NWD2: variants seen among roughly 807,000 people sequenced by gnomAD.
NWD2 encodes NACHT and WD repeat domain containing 2.
NWD2 carries 37 observed loss-of-function variants against 132.7 expected under a neutral mutation model. That is an observed-to-expected ratio of 0.28 (90% CI 0.21 to 0.37). NWD2 has a LOEUF of 0.37. NWD2 is among the 10% of genes least tolerant of loss of function. The pLI is 1.00. For synonymous variants in NWD2, 705 were observed against 803.0 expected (o/e 0.88, Z 2.06); for missense variants, 1,592 against 2,122.4 (o/e 0.75, Z 4.91).
rs536827535 is a variant in NWD2 at position 37,275,525 on chromosome 4, C to T, written c.151+30307C>T. ...CCCAAGGTAATTTATAGATTCAATG[C>T]CATCCCCATCAATCTACCAATGACT... is the stretch of plus-strand genomic sequence containing the variant. On this transcript the variant is annotated intron_variant, in intron 1 of 6. Coordinates refer to ENST00000309447, the MANE Select transcript of NWD2 (RefSeq NM_001144990.2). Among the ~76,000 whole-genome samples, 1,178 of 152,142 alleles carry T rather than the reference C, an allele frequency of 7.7e-3. 12 individuals carry two copies. The highest frequency in any genetic ancestry group is 7.2e-3 in the Non-Finnish European group (490 of 68,006).
chr4:37,426,923 C>T lies in NWD2; in HGVS notation c.358-3649C>T, dbSNP rs983507390. Among the ~76,000 whole-genome samples, 6 of 152,266 alleles carry T rather than the reference C, an allele frequency of 3.9e-5. No individual in the cohort carries two copies. The Middle Eastern group carries it at 0.014, about 345-fold the overall frequency. The stretch of plus-strand genomic sequence containing the variant: ...GAAAGAAGTTGAAGAACGAACAGTA[C>T]ATTGCTGTGCAGTCATGATGGTGCT... On this transcript the variant is annotated intron_variant, in intron 3 of 6. Coordinates refer to ENST00000309447, the MANE Select transcript of NWD2 (RefSeq NM_001144990.2).
At chr4:37,413,575 G>A (rs1243014734) in intron 3 of NWD2, among the ~76,000 whole-genome samples, 1 of 152,130 alleles carries the variant, frequency 6.6e-6, no homozygotes, top group Admixed American at 6.5e-5. Context: ...ATTCCTCAAG[G>A]ATCTAGAACT....
chr4:37,260,161 G>A (rs1717599988), intron 1 of NWD2, among the ~76,000 whole-genome samples: 1 of 152,186 alleles, frequency 6.6e-6, no homozygotes, highest in South Asian at 2.1e-4. Context: ...TTCCAATAGT[G>A]TCATGTGTGC....
At position 37,261,538 on chromosome 4, in the gene NWD2, A is replaced by G. The variant is rs141317185; in HGVS notation, c.151+16320A>G. ...TTTCCATGAAACTCGCAAGAATCAT[A>G]CAAGTATTTACTGAGGGACTTCTAC... On this transcript the variant is annotated intron_variant, in intron 1 of 6. Transcript: ENST00000309447. Among the ~76,000 whole-genome samples the G allele has an allele frequency of 1.2e-4, 19 of 152,342 alleles. No individual in the cohort carries two copies. In the East Asian group the frequency reaches 2.3e-3, roughly 19 times the overall value.
At chr4:37,281,877 A>G (rs559442051) in intron 1 of NWD2, among the ~76,000 whole-genome samples, 1 of 152,338 alleles carries the variant, frequency 6.6e-6, no homozygotes, top group Admixed American at 6.5e-5. Context: ...TTTAATCTGT[A>G]TTCAATACAC....
chr4:37,350,650 C>T (rs917485072), intron 2 of NWD2, among the ~76,000 whole-genome samples: 5 of 152,156 alleles, frequency 3.3e-5, no homozygotes, highest in African/African-American at 1.2e-4. Flanking sequence ...TGGACCTCCT[C>T]TCTTCTTATC....
intron 1 of NWD2, among the ~76,000 whole-genome samples, chr4:37,312,269 T>A (rs921684142): frequency 6.6e-6 from 1 of 151,264 alleles, no homozygotes; most frequent in Non-Finnish European, 1.5e-5. Flanking sequence ...GAGCATGGAA[T>A]GTTCTTCCAT....
At chr4:37,256,751 G>T (rs985251864) in intron 1 of NWD2, among the ~76,000 whole-genome samples, 3 of 152,122 alleles carry the variant, frequency 2.0e-5, no homozygotes, top group Non-Finnish European at 4.4e-5. Context: ...GTAGGGAAAA[G>T]AAAGATCCAA....
intron 1 of NWD2, among the ~76,000 whole-genome samples, chr4:37,258,924 G>A (rs562739437): frequency 1.3e-5 from 2 of 152,322 alleles, no homozygotes; most frequent in South Asian, 4.1e-4. Flanking sequence ...ATCACAAGTA[G>A]GATCAAGGCA....
At chr4:37,388,865 A>G (rs1023364012) in intron 3 of NWD2, among the ~76,000 whole-genome samples, 2 of 151,268 alleles carry the variant, frequency 1.3e-5, no homozygotes, top group East Asian at 1.9e-4. Context: ...GTACATGTTA[A>G]GCAATAACTC....
rs541082638 is a variant in NWD2, at chr4:37,382,588, G to A, written c.357+26106G>A. Reference sequence around the variant, plus strand: ...CTCCCCTTTTCCCCTGTGAGCCCGGGTTTCTAGCCTCCCAATGCTGCAGTG... The same window carrying A: ...CTCCCCTTTTCCCCTGTGAGCCCGGATTTCTAGCCTCCCAATGCTGCAGTG... On this transcript the variant is annotated intron_variant, in intron 3 of 6. Transcript: ENST00000309447. Among the ~76,000 whole-genome samples the A allele has an allele frequency of 2.2e-4, 33 of 152,220 alleles. No individual in the cohort carries two copies. The South Asian group carries it at 5.6e-3, about 26-fold the overall frequency.
chr4:37,343,116 C>T (rs980739724), intron 2 of NWD2, among the ~76,000 whole-genome samples: 3 of 152,184 alleles, frequency 2.0e-5, no homozygotes, highest in Non-Finnish European at 4.4e-5. Context: ...GCTTATACCA[C>T]ATGTATAAAC....
chr4:37,378,526 C>T (rs1385761945), intron 3 of NWD2, among the ~76,000 whole-genome samples: 1 of 152,188 alleles, frequency 6.6e-6, no homozygotes, highest in African/African-American at 2.4e-5. Flanking sequence ...AAATTCTAAC[C>T]TAATTTTGCC....
At chr4:37,330,855 C>T in intron 2 of NWD2, among the ~76,000 whole-genome samples, 1 of 137,392 alleles carries the variant, frequency 7.3e-6, no homozygotes, top group Non-Finnish European at 1.6e-5. Context: ...AATCATCACC[C>T]TACTTGAGTA....
chr4:37,434,896 G>A (rs1353732743), intron 5 of NWD2, among the ~76,000 whole-genome samples: 1 of 152,008 alleles, frequency 6.6e-6, no homozygotes, highest in Non-Finnish European at 1.5e-5. Flanking sequence ...AGCCATCAGA[G>A]GGTGTGGCAC....
In NWD2 at chr4:37,325,976, T is replaced by C. The variant is rs2109287763; in HGVS notation, c.192T>C (p.Tyr64=). 6.5e-7 allele frequency: 1 copy of C among 1,548,996 alleles called. No homozygotes were observed. Among genetic ancestry groups the C allele is most frequent in the South Asian group, 1.2e-5 (1 of 83,866 alleles). The change falls in exon 2 of 7, where the codon TAT becomes TAC. Residue 64 remains tyrosine, a synonymous_variant. Coordinates refer to ENST00000309447, the MANE Select transcript of NWD2 (RefSeq NM_001144990.2). ...GACAGGCGCTAAGAGAAAATGTATA[T>C]CCTAAACTGAGAGAATTCTGCAGAG... is the stretch of plus-strand genomic sequence containing the variant. ...AERQALRENV[Y]PKLREFCREN... is the part of the protein sequence containing the mutation.
At chr4:37,302,018 T>C (rs185661346) in intron 1 of NWD2, among the ~76,000 whole-genome samples, 348 of 152,158 alleles carry the variant, frequency 2.3e-3, no homozygotes, top group Non-Finnish European at 2.3e-3. Context: ...TAAATTATTG[T>C]TAACTATAGT....
chr4:37,288,492 AT>A (rs1718288606), intron 1 of NWD2, among the ~76,000 whole-genome samples: 1 of 152,216 alleles, frequency 6.6e-6, no homozygotes, highest in Non-Finnish European at 1.5e-5. Context: ...CAGTTGTTAA[AT>A]TTATTACAAC....
At chr4:37,285,292 C>T (rs1718208824) in intron 1 of NWD2, among the ~76,000 whole-genome samples, 1 of 151,990 alleles carries the variant, frequency 6.6e-6, no homozygotes, top group Admixed American at 6.6e-5. Context: ...ACATGTGTTC[C>T]CTGTAATTCA....
Sources: gnomAD v4.1 joint callset for allele counts (sites outside exome capture counted in the v4.1 genomes callset) on GRCh38, gnomAD v4.1.1 for gene constraint, MANE v1.5 for transcripts, NCBI Gene and HGNC (gene_info 2026-07-23, HGNC 2026-07-21) for gene names.